FAM110D: variants seen among roughly 807,000 people sequenced by gnomAD.
The protein encoded by FAM110D is protein FAM110D.
For synonymous variants in FAM110D, 174 were observed against 189.4 expected (o/e 0.92, Z 0.67); for missense variants, 376 against 395.6 (o/e 0.95, Z 0.42).
In FAM110D at chr1:26,163,960, T is replaced by G. The variant is rs1157601233; in HGVS notation, c.*1853T>G. The G allele has an allele frequency of 2.5e-5, 10 of 393,734 alleles. No homozygotes were observed. In the East Asian group the frequency reaches 3.6e-4, roughly 14 times the overall value. The allele number at this position is 393,734 out of a possible 1,614,324, so 24.4% of individuals were successfully genotyped here. ...TGTACCTTAAATAAAAAACCCATCC[T>G]GATATGCGGGCTGACTCTGGTCATT... On this transcript the variant is annotated 3_prime_UTR_variant, in exon 2 of 2. Coordinates refer to ENST00000374268, the MANE Select transcript of FAM110D (RefSeq NM_024869.3).
intron 1 of FAM110D, among the ~76,000 whole-genome samples, chr1:26,160,844 G>T (rs1027944096): frequency 6.6e-6 from 1 of 152,250 alleles, no homozygotes; most frequent in Non-Finnish European, 1.5e-5. Context: ...GAGCCTTCTT[G>T]TCTTGGGCTC....
chr1:26,162,053 G>A lies in FAM110D; in HGVS notation c.762G>A (p.Gln254=). ...TGGAGCGCAACGCGCGCGTCATCCAGTGGCTGTACGGCTGCCAGCGCGCCC... is the reference window on the plus strand; with the variant it reads ...TGGAGCGCAACGCGCGCGTCATCCAATGGCTGTACGGCTGCCAGCGCGCCC... The part of the protein sequence containing the change: ...SVVERNARVI[Q]WLYGCQRARG... The change falls in exon 2 of 2, where the codon CAG becomes CAA. Residue 254 remains glutamine, a synonymous_variant. Transcript: ENST00000374268. This position sits in a 1 kb window ranked among gnomAD's most constrained non-coding sequence, Gnocchi z 5.3. 7.9e-7 allele frequency: 1 copy of A among 1,268,178 alleles called. No homozygotes were observed. Among genetic ancestry groups the A allele is most frequent in the Non-Finnish European group, 9.9e-7 (1 of 1,009,454 alleles). 78.6% of individuals were successfully genotyped at this position (1,268,178 alleles called of 1,614,324 possible).
At position 26,161,438 on chromosome 1, in the gene FAM110D, G is replaced by A. The variant is rs372672785; in HGVS notation, c.147G>A (p.Pro49=). Residue 49 remains proline (P), a synonymous_variant, in exon 2 of 2, where the codon CCG becomes CCA. Transcript: ENST00000374268. This position sits in a 1 kb window ranked among gnomAD's most constrained non-coding sequence, Gnocchi z 5.4. ...QEPALRGSPG[P]LTPHPCNELG... ...CAGCCCTGCGTGGGAGTCCTGGGCC[G>A]CTCACGCCGCACCCCTGCAACGAGC... 1.9e-6 allele frequency: 3 copies of A among 1,583,462 alleles called. No individual in the cohort carries two copies. Among genetic ancestry groups the A allele is most frequent in the Non-Finnish European group, 2.6e-6 (3 of 1,165,336 alleles).
In FAM110D at chr1:26,161,426, G is replaced by T. The variant is rs1037262635; in HGVS notation, c.135G>T (p.Gly45=). Residue 45 remains glycine (G), a synonymous_variant, in exon 2 of 2, where the codon GGG becomes GGT. Transcript: ENST00000374268. This position sits in a 1 kb window ranked among gnomAD's most constrained non-coding sequence, Gnocchi z 5.4. ...IARRQEPALR[G]SPGPLTPHPC... ...GGCGACAGGAGCCAGCCCTGCGTGG[G>T]AGTCCTGGGCCGCTCACGCCGCACC... 5.0e-6 allele frequency: 8 copies of T among 1,592,444 alleles called. No homozygotes were observed. The highest frequency in any genetic ancestry group is 6.8e-6 in the Non-Finnish European group (8 of 1,169,870).
At chr1:26,159,489 C>A (rs1569850467) in intron 1 of FAM110D, among the ~76,000 whole-genome samples, 1 of 152,036 alleles carries the variant, frequency 6.6e-6, no homozygotes, top group East Asian at 1.9e-4. Context: ...TGGGGTCAGA[C>A]AAGCAGTGCC....
chr1:26,161,516 C>T lies in FAM110D; in HGVS notation c.225C>T (p.Gly75=). 1 of 1,551,210 alleles carries T rather than the reference C, an allele frequency of 6.4e-7. No individual in the cohort carries two copies. The highest frequency in any genetic ancestry group is 1.7e-4 in the Middle Eastern group (1 of 5,992). ...RTPRPVRRGS[G]RRLPRPDSLI... ...CCAGGCCGGTCCGCCGGGGAAGCGGCAGGCGGCTGCCGAGGCCTGATTCCC... is the reference window on the plus strand; with the variant it reads ...CCAGGCCGGTCCGCCGGGGAAGCGGTAGGCGGCTGCCGAGGCCTGATTCCC... Residue 75 remains glycine, a synonymous_variant, in exon 2 of 2, where the codon GGC becomes GGT. Coordinates refer to ENST00000374268, the MANE Select transcript of FAM110D (RefSeq NM_024869.3). This position sits in a 1 kb window ranked among gnomAD's most constrained non-coding sequence, Gnocchi z 5.4.
chr1:26,160,559 CA>C (rs2088356500), intron 1 of FAM110D, among the ~76,000 whole-genome samples: 1 of 152,212 alleles, frequency 6.6e-6, no homozygotes. Flanking sequence ...CCCTCCTCTC[CA>C]AGCCAGTTTC....
Position 26,161,838 on chromosome 1 carries a change from C to G in FAM110D, c.547C>G (p.Arg183Gly), listed in dbSNP as rs899131803. ...GCTGGTGGAGGTGCTGGGCGCAGAGCGCTTCTCCCCGCAGAGCTGGGGAGC... is the reference window on the plus strand; with the variant it reads ...GCTGGTGGAGGTGCTGGGCGCAGAGGGCTTCTCCCCGCAGAGCTGGGGAGC... ...RALVEVLGAE[R>G]FSPQSWGADA... Residue 183 changes from arginine to glycine, a missense_variant, in exon 2 of 2, where the codon CGC becomes GGC. By Grantham distance (125) the Arg-to-Gly change is moderately radical (BLOSUM62 -2). Coordinates refer to ENST00000374268, the MANE Select transcript of FAM110D (RefSeq NM_024869.3). This position sits in a 1 kb window ranked among gnomAD's most constrained non-coding sequence, Gnocchi z 5.4. 5.2e-6 allele frequency: 8 copies of G among 1,540,476 alleles called. No homozygotes were observed. The highest frequency in any genetic ancestry group is 2.8e-5 in the African/African-American group (2 of 72,488).
Position 26,162,447 on chromosome 1 carries a change from A to C in FAM110D, c.*340A>C. On this transcript the variant is annotated 3_prime_UTR_variant, in exon 2 of 2. Transcript: ENST00000374268. This position sits in a 1 kb window ranked among gnomAD's most constrained non-coding sequence, Gnocchi z 5.3. ...CGCGGTTAAACCCGTGGGTTTTGGA[A>C]TGTGTGTTCCCGGCTGTGTGATCCT... is the stretch of plus-strand genomic sequence containing the variant. 2 of 211,690 alleles carry C rather than the reference A, an allele frequency of 9.4e-6. No individual in the cohort carries two copies. The highest frequency in any genetic ancestry group is 1.0e-5 in the Non-Finnish European group (1 of 97,640). 13.1% of individuals were successfully genotyped at this position (211,690 alleles called of 1,614,324 possible).
chr1:26,163,863 T>C lies in FAM110D; in HGVS notation c.*1756T>C. The C allele has an allele frequency of 3.5e-6, 1 of 289,492 alleles. No homozygotes were observed. Among genetic ancestry groups the C allele is most frequent in the Non-Finnish European group, 6.3e-6 (1 of 157,864 alleles). 17.9% of individuals were successfully genotyped at this position (289,492 alleles called of 1,614,324 possible). ...GCACATAGTAGGGCCACAGGCACAGTTTGTTGAATTAAATGAGGCTGGAGA... is the reference window on the plus strand; with the variant it reads ...GCACATAGTAGGGCCACAGGCACAGCTTGTTGAATTAAATGAGGCTGGAGA... On this transcript the variant is annotated 3_prime_UTR_variant, in exon 2 of 2. Coordinates refer to ENST00000374268, the MANE Select transcript of FAM110D (RefSeq NM_024869.3).
chr1:26,162,671 G>C lies in FAM110D; in HGVS notation c.*564G>C, dbSNP rs576616619. 2 of 155,206 alleles carry C rather than the reference G, an allele frequency of 1.3e-5. No homozygotes were observed. The highest frequency in any genetic ancestry group is 3.9e-4 in the East Asian group (2 of 5,194). 9.6% of individuals were successfully genotyped at this position (155,206 alleles called of 1,614,324 possible). The stretch of plus-strand genomic sequence containing the variant: ...CTGTTGTGATCTCCACTGGCCTCCA[G>C]GTCGATCCAAACTAGAGCTGGGAGC... On this transcript the variant is annotated 3_prime_UTR_variant, in exon 2 of 2. Transcript: ENST00000374268. The surrounding 1 kb of genome is among the most constrained non-coding windows in gnomAD (Gnocchi z 5.3).
intron 1 of FAM110D, among the ~76,000 whole-genome samples, chr1:26,159,508 A>T (rs1380050070): frequency 6.6e-6 from 1 of 151,578 alleles, no homozygotes; most frequent in Non-Finnish European, 1.5e-5. Context: ...CCTTCCTGGG[A>T]CCTTGGAATC....
In FAM110D at chr1:26,161,962, C is replaced by T. The variant is rs958335108; in HGVS notation, c.671C>T (p.Ala224Val). Residue 224 changes from alanine (A) to valine (V), a missense_variant, in exon 2 of 2, where the codon GCG becomes GTG. By Grantham distance (64) the Ala-to-Val change is moderately conservative. Transcript: ENST00000374268. This position sits in a 1 kb window ranked among gnomAD's most constrained non-coding sequence, Gnocchi z 5.4. ...SDRGVDSPGG[A>V]GGGGGSEAAG... ...AGGGGCGTGGACAGCCCGGGCGGCG[C>T]GGGCGGCGGCGGCGGCTCGGAGGCA... is the stretch of plus-strand genomic sequence containing the variant. 6 of 1,244,454 alleles carry T rather than the reference C, an allele frequency of 4.8e-6. No individual in the cohort carries two copies. The African/African-American group carries it at 7.8e-5, about 16-fold the overall frequency. 77.1% of individuals were successfully genotyped at this position (1,244,454 alleles called of 1,614,324 possible).
chr1:26,162,154 A>T lies in FAM110D; in HGVS notation c.*47A>T. On this transcript the variant is annotated 3_prime_UTR_variant, in exon 2 of 2. Coordinates refer to ENST00000374268, the MANE Select transcript of FAM110D (RefSeq NM_024869.3). The surrounding 1 kb of genome is among the most constrained non-coding windows in gnomAD (Gnocchi z 5.3). Reference sequence around the variant, plus strand: ...CCCGGGACTGGCCCCGGGCACGGAAAAGGACACCCCTCTTCTGGCGCGCTG... The same window carrying T: ...CCCGGGACTGGCCCCGGGCACGGAATAGGACACCCCTCTTCTGGCGCGCTG... 1 of 1,166,164 alleles carries T rather than the reference A, an allele frequency of 8.6e-7. No homozygotes were observed. Among genetic ancestry groups the T allele is most frequent in the Non-Finnish European group, 1.1e-6 (1 of 918,636 alleles). The allele number at this position is 1,166,164 out of a possible 1,614,324, so 72.2% of individuals were successfully genotyped here.
In FAM110D at chr1:26,162,671, G is replaced by T. The variant is rs576616619; in HGVS notation, c.*564G>T. On this transcript the variant is annotated 3_prime_UTR_variant, in exon 2 of 2. Coordinates refer to ENST00000374268, the MANE Select transcript of FAM110D (RefSeq NM_024869.3). This position sits in a 1 kb window ranked among gnomAD's most constrained non-coding sequence, Gnocchi z 5.3. ...CTGTTGTGATCTCCACTGGCCTCCA[G>T]GTCGATCCAAACTAGAGCTGGGAGC... 6.4e-6 allele frequency: 1 copy of T among 155,088 alleles called. No homozygotes were observed. Among genetic ancestry groups the T allele is most frequent in the Non-Finnish European group, 1.5e-5 (1 of 68,078 alleles). The allele number at this position is 155,088 out of a possible 1,614,324, so 9.6% of individuals were successfully genotyped here. A position where few individuals can be genotyped will look rare whatever the true frequency, so the allele number is the denominator to read the frequency against.
intron 1 of FAM110D, among the ~76,000 whole-genome samples, chr1:26,160,248 C>G (rs1425512242): frequency 6.6e-6 from 1 of 152,074 alleles, no homozygotes; most frequent in Admixed American, 6.6e-5. Context: ...TGTGCGCCAC[C>G]CCGCCTGGCT....
chr1:26,162,200 TC>T lies in FAM110D; in HGVS notation c.*95del. 1.3e-6 allele frequency: 1 copy of T among 790,254 alleles called. No homozygotes were observed. The highest frequency in any genetic ancestry group is 1.7e-6 in the Non-Finnish European group (1 of 580,888). 49.0% of individuals were successfully genotyped at this position (790,254 alleles called of 1,614,324 possible). Reference sequence around the variant, plus strand: ...CGCTGGGTGCCTTTGCGTAAGCCCTTCCTTCTGGAACTCAGTTTCGCGTCTG... The same window carrying T: ...CGCTGGGTGCCTTTGCGTAAGCCCTTCTTCTGGAACTCAGTTTCGCGTCTG... On this transcript the variant is annotated 3_prime_UTR_variant, in exon 2 of 2. Transcript: ENST00000374268. This position sits in a 1 kb window ranked among gnomAD's most constrained non-coding sequence, Gnocchi z 5.3.
Position 26,161,332 on chromosome 1 carries a change from C to A in FAM110D, c.41C>A (p.Thr14Asn), listed in dbSNP as rs776240277. The part of the protein sequence containing the change: ...APPSTPSRGR[T>N]PSAVERLEAD... Reference sequence around the variant, plus strand: ...CCCTCCACCCCGTCCAGAGGACGGACCCCCAGCGCCGTGGAGAGGCTGGAA... The same window carrying A: ...CCCTCCACCCCGTCCAGAGGACGGAACCCCAGCGCCGTGGAGAGGCTGGAA... Residue 14 changes from threonine (T) to asparagine (N), a missense_variant, in exon 2 of 2, where the codon ACC becomes AAC. Transcript: ENST00000374268. This position sits in a 1 kb window ranked among gnomAD's most constrained non-coding sequence, Gnocchi z 5.4. The A allele has an allele frequency of 6.3e-7, 1 of 1,590,892 alleles. No individual in the cohort carries two copies. Among genetic ancestry groups the A allele is most frequent in the Non-Finnish European group, 8.6e-7 (1 of 1,169,074 alleles).
Position 26,161,993 on chromosome 1 carries a change from C to A in FAM110D, c.702C>A (p.Gly234=). 8.1e-7 allele frequency: 1 copy of A among 1,238,028 alleles called. No homozygotes were observed. The highest frequency in any genetic ancestry group is 1.0e-6 in the Non-Finnish European group (1 of 995,144). The allele number at this position is 1,238,028 out of a possible 1,614,324, so 76.7% of individuals were successfully genotyped here. A position where few individuals can be genotyped will look rare whatever the true frequency, so the allele number is the denominator to read the frequency against. The change falls in exon 2 of 2, where the codon GGC becomes GGA. Residue 234 remains glycine (G), a synonymous_variant. Transcript: ENST00000374268. The surrounding 1 kb of genome is among the most constrained non-coding windows in gnomAD (Gnocchi z 5.4). The part of the protein sequence containing the change: ...AGGGGGSEAA[G]SARDRRPPVS... ...GCGGCGGCGGCTCGGAGGCAGCGGG[C>A]TCGGCGCGGGACCGGCGCCCCCCGG...
Sources: allele counts gnomAD v4.1 joint callset (sites outside exome capture counted in the v4.1 genomes callset), GRCh38; gene constraint gnomAD v4.1.1; non-coding constraint Gnocchi (gnomAD v3.1); transcripts MANE v1.5; gene names NCBI Gene and HGNC (gene_info 2026-07-23, HGNC 2026-07-21).